CELF2: variants seen among roughly 807,000 people sequenced by gnomAD.
CELF2 encodes CUGBP Elav-like family member 2, also known as CUG triplet repeat RNA-binding protein 2.
CELF2 carries 8 observed loss-of-function variants against 62.6 expected under a neutral mutation model. The ratio of observed to expected loss-of-function variants is 0.13; its 90% confidence interval spans 0.07 to 0.23. The LOEUF (loss-of-function observed/expected upper bound fraction) is 0.23. CELF2 is among the 10% of genes least tolerant of loss of function. The pLI is 1.00. For missense variants in CELF2, 333 were observed against 671.0 expected, an observed-to-expected ratio of 0.50 and a Z score of 5.56; for synonymous variants, 258 against 250.0, an observed-to-expected ratio of 1.03 and a Z score of -0.30.
chr10:11,256,978 G>T (rs1022135770), intron 4 of CELF2, among the ~76,000 whole-genome samples: 1 of 151,902 alleles, frequency 6.6e-6, no homozygotes, highest in Non-Finnish European at 1.5e-5. Context: ...CTGGAAGCTC[G>T]GGGCCATCCA....
At chr10:11,064,222 A>G (rs959218332) in intron 1 of CELF2, among the ~76,000 whole-genome samples, 8 of 152,198 alleles carry the variant, frequency 5.3e-5, no homozygotes, top group Non-Finnish European at 1.0e-4. Flanking sequence ...GATCTGGGCT[A>G]GGTTTTCCAA....
chr10:10,717,888 T>C, the CELF2 span, among the ~76,000 whole-genome samples: 2 of 152,160 alleles, frequency 1.3e-5, no homozygotes, highest in Non-Finnish European at 2.9e-5. Flanking sequence ...AAATTTTCTT[T>C]GTTCCCACCT....
intron 9 of CELF2, among the ~76,000 whole-genome samples, chr10:11,295,235 T>C (rs558662645): frequency 1.3e-5 from 2 of 152,232 alleles, no homozygotes; most frequent in African/African-American, 2.4e-5. Context: ...TCAACAAATA[T>C]GTATCAAGCA....
intron 1 of CELF2, among the ~76,000 whole-genome samples, chr10:11,062,111 C>A (rs1291840): frequency 6.6e-6 from 1 of 152,136 alleles, no homozygotes; most frequent in Non-Finnish European, 1.5e-5. Context: ...GCCAGTTTAC[C>A]GAATTTTTTA....
At chr10:10,718,086 T>C in the CELF2 span, among the ~76,000 whole-genome samples, 1 of 152,198 alleles carries the variant, frequency 6.6e-6, no homozygotes, top group Non-Finnish European at 1.5e-5. Flanking sequence ...CTCTGGAATA[T>C]GGAACATGAA....
chr10:11,019,823 A>T (rs914564941), intron 1 of CELF2, among the ~76,000 whole-genome samples: 8 of 152,334 alleles, frequency 5.3e-5, no homozygotes, highest in African/African-American at 1.4e-4. Flanking sequence ...ACCTGTATAG[A>T]CACGTAATAC....
At chr10:10,635,521 C>T in the CELF2 span, among the ~76,000 whole-genome samples, 1 of 152,020 alleles carries the variant, frequency 6.6e-6, no homozygotes, top group African/African-American at 2.4e-5. Flanking sequence ...AATTCTATGC[C>T]TCTTGGGTAG....
At chr10:11,080,236 G>A (rs2073625348) in intron 1 of CELF2, among the ~76,000 whole-genome samples, 2 of 152,194 alleles carry the variant, frequency 1.3e-5, no homozygotes, top group Admixed American at 6.5e-5. Context: ...AAAGATCCAA[G>A]TAGAGACCCC....
rs2094967775 is a variant in CELF2 at position 11,316,242 on chromosome 10, T to C, written c.1096+1984T>C. On this transcript the variant is annotated intron_variant, in intron 10 of 12. Transcript: ENST00000633077. This position sits in a 1 kb window ranked among gnomAD's most constrained non-coding sequence, Gnocchi z 4.4. The stretch of plus-strand genomic sequence containing the variant: ...GGTTAATATAAGTCTGTATAGTTCA[T>C]AGAAAACGAAGAAAGAATGTTTGTC... Among the ~76,000 whole-genome samples the C allele has an allele frequency of 6.6e-6, 1 of 152,254 alleles. No homozygotes were observed. The highest frequency in any genetic ancestry group is 2.1e-4 in the South Asian group (1 of 4,834).
At chr10:10,620,945 G>C in the CELF2 span, among the ~76,000 whole-genome samples, 9 of 118,626 alleles carry the variant, frequency 7.6e-5, no homozygotes, top group Non-Finnish European at 1.6e-4. Flanking sequence ...AAAAAAAGGC[G>C]GAGCGCGGTG....
chr10:10,647,314 A>G, the CELF2 span, among the ~76,000 whole-genome samples: 1 of 151,548 alleles, frequency 6.6e-6, no homozygotes, highest in Non-Finnish European at 1.5e-5. Flanking sequence ...TGTCCTTTGA[A>G]CCCACTGCCC....
At chr10:10,837,877 A>G (rs2058409585) in intron 1 of CELF2, among the ~76,000 whole-genome samples, 1 of 152,212 alleles carries the variant, frequency 6.6e-6, no homozygotes, top group South Asian at 2.1e-4. Flanking sequence ...GCAGAAAGAA[A>G]TTCTATCAAC....
intron 2 of CELF2, among the ~76,000 whole-genome samples, chr10:10,999,929 G>T (rs563459417): frequency 3.9e-5 from 6 of 152,324 alleles, no homozygotes; most frequent in African/African-American, 1.4e-4. Context: ...CAGGAAGAAA[G>T]GGAGTTGCTT....
At chr10:10,811,965 T>G (rs1450550064) in intron 1 of CELF2, among the ~76,000 whole-genome samples, 1 of 152,108 alleles carries the variant, frequency 6.6e-6, no homozygotes, top group Non-Finnish European at 1.5e-5. Flanking sequence ...ATAATGTATT[T>G]TGGCTAAAAG....
the CELF2 span, among the ~76,000 whole-genome samples, chr10:10,522,567 G>A: frequency 0.14 from 21,362 of 152,082 alleles, 1,729 homozygotes; most frequent in East Asian, 0.22. Flanking sequence ...GGTGGTTGTT[G>A]TTGTTATTAT....
the CELF2 span, among the ~76,000 whole-genome samples, chr10:10,718,020 C>T: frequency 1.3e-5 from 2 of 151,976 alleles, no homozygotes; most frequent in African/African-American, 4.8e-5. Flanking sequence ...AAGAGGCATT[C>T]ATGTAGATTA....
At chr10:11,226,795 C>T (rs191973588) in intron 3 of CELF2, among the ~76,000 whole-genome samples, 2 of 152,146 alleles carry the variant, frequency 1.3e-5, no homozygotes, top group Non-Finnish European at 2.9e-5. Context: ...GTTACTAACA[C>T]GGAGCTTTCT....
At chr10:11,310,248 C>A (rs2094490522) in intron 9 of CELF2, among the ~76,000 whole-genome samples, 1 of 152,186 alleles carries the variant, frequency 6.6e-6, no homozygotes, top group African/African-American at 2.4e-5. Flanking sequence ...CTCCCCCTCC[C>A]TGGGAGAAAC....
At chr10:11,074,730 G>A (rs1017661260) in intron 1 of CELF2, among the ~76,000 whole-genome samples, 2 of 152,170 alleles carry the variant, frequency 1.3e-5, no homozygotes, top group African/African-American at 4.8e-5. Context: ...ACCATTCTGA[G>A]TGTCACAAAA....
Sources: gnomAD v4.1 joint callset for allele counts (sites outside exome capture counted in the v4.1 genomes callset) on GRCh38, gnomAD v4.1.1 for gene constraint, Gnocchi (gnomAD v3.1) non-coding constraint, MANE v1.5 for transcripts, NCBI Gene and HGNC (gene_info 2026-07-23, HGNC 2026-07-21) for gene names.